STK3: variants seen among roughly 807,000 people sequenced by gnomAD.
STK3 encodes serine/threonine kinase 3, also known as serine/threonine-protein kinase 3.
Under a neutral mutation model 58.0 loss-of-function variants are expected in STK3, and 41 were observed. The ratio of observed to expected loss-of-function variants is 0.71; its 90% CI spans 0.55 to 0.92. STK3 has a LOEUF of 0.92. STK3 is among the 40% of genes least tolerant of loss of function. The pLI is 0.00. For synonymous variants in STK3, 170 were observed against 191.0 expected (o/e 0.89, Z 0.91); for missense variants, 479 against 602.7 (o/e 0.79, Z 2.15).
chr8:98,359,904 G>A, the STK3 span, among the ~76,000 whole-genome samples: 6 of 152,126 alleles, frequency 3.9e-5, no homozygotes, highest in Admixed American at 1.3e-4. Flanking sequence ...GCATGGGAAG[G>A]GTAAACAGTC....
At chr8:98,683,675 T>A (rs1587284459) in intron 6 of STK3, among the ~76,000 whole-genome samples, 1 of 152,230 alleles carries the variant, frequency 6.6e-6, no homozygotes, top group Middle Eastern at 3.4e-3. Context: ...ATTTTTTAAA[T>A]CAGTGGGATG....
At chr8:98,527,620 A>C (rs1479380593) in intron 9 of STK3, among the ~76,000 whole-genome samples, 1 of 152,108 alleles carries the variant, frequency 6.6e-6, no homozygotes, top group African/African-American at 2.4e-5. Context: ...ACCCTGTTCA[A>C]ATTAAAAAAT....
chr8:98,893,508 G>GAAAA (rs377089777), intron 1 of STK3, among the ~76,000 whole-genome samples: 1 of 119,258 alleles, frequency 8.4e-6, no homozygotes, highest in Non-Finnish European at 1.8e-5. Context: ...AAGAAAGAAA[G>GAAAA]AAAGAAAGAA....
chr8:98,388,079 C>T lies in STK3; in HGVS notation n.56+113G>A, dbSNP rs1172640748. 3.9e-5 allele frequency: 6 copies of T among 151,968 alleles called. No homozygotes were observed. The East Asian group carries it at 1.2e-3, about 29-fold the overall frequency. 9.4% of individuals were successfully genotyped at this position (151,968 alleles called of 1,614,324 possible). A position where few individuals can be genotyped will look rare whatever the true frequency, so the allele number is the denominator to read the frequency against. Reference sequence around the variant, plus strand: ...AAACATATCAAAAATATTAAAATACCTGAGTCTATAATAATAATAAAACAA... The same window carrying T: ...AAACATATCAAAAATATTAAAATACTTGAGTCTATAATAATAATAAAACAA... On this transcript the variant is annotated intron_variant and non_coding_transcript_variant, in intron 1 of 2. Transcript: ENST00000518704.
Position 98,640,918 on chromosome 8 carries a change from T to C in STK3, c.685-44749A>G, listed in dbSNP as rs897868239. ...GTCTTAAATATTTAAGAGTATAATA[T>C]GTTTATACTACTATATTTATATGTT... On this transcript the variant is annotated intron_variant, in intron 6 of 10. Transcript: ENST00000419617. Among the ~76,000 whole-genome samples, 6 of 151,170 alleles carry C rather than the reference T, an allele frequency of 4.0e-5. No individual in the cohort carries two copies. The East Asian group carries it at 1.2e-3, about 29-fold the overall frequency.
chr8:98,659,617 T>C (rs956744985), intron 6 of STK3, among the ~76,000 whole-genome samples: 2 of 151,940 alleles, frequency 1.3e-5, no homozygotes, highest in African/African-American at 4.8e-5. Context: ...CGATGCAGTG[T>C]AGAGTTTGCA....
chr8:98,407,180 G>A (rs1375041212), intron 3 of STK3, among the ~76,000 whole-genome samples: 1 of 152,194 alleles, frequency 6.6e-6, no homozygotes, highest in Non-Finnish European at 1.5e-5. Context: ...CCAGAATTAA[G>A]CATAGAATTT....
intron 9 of STK3, among the ~76,000 whole-genome samples, chr8:98,539,271 C>T (rs370580567): frequency 6.6e-6 from 1 of 151,982 alleles, no homozygotes; most frequent in Admixed American, 6.6e-5. Context: ...CTTTCCAAAA[C>T]AGATTTTGGG....
chr8:98,494,672 A>G (rs1225727929), intron 10 of STK3, among the ~76,000 whole-genome samples: 1 of 151,072 alleles, frequency 6.6e-6, no homozygotes, highest in African/African-American at 2.4e-5. Context: ...AAAAAAAAAA[A>G]AAAAAAAAGA....
intron 4 of STK3, among the ~76,000 whole-genome samples, chr8:98,735,223 C>T (rs757274859): frequency 6.6e-6 from 1 of 152,064 alleles, no homozygotes; most frequent in Non-Finnish European, 1.5e-5. Context: ...CAACATTTAT[C>T]AAAGGCTTGT....
intron 1 of STK3, among the ~76,000 whole-genome samples, chr8:98,776,625 T>C (rs1831695510): frequency 6.6e-6 from 1 of 152,182 alleles, no homozygotes; most frequent in Non-Finnish European, 1.5e-5. Context: ...TATATGCTAT[T>C]GTCGATGACT....
chr8:98,391,073 T>C (rs1479457546), upstream of STK3, among the ~76,000 whole-genome samples: 2 of 152,252 alleles, frequency 1.3e-5, no homozygotes, highest in African/African-American at 4.8e-5. Flanking sequence ...AGTTGAGATT[T>C]GTCTGTTTTT....
intron 4 of STK3, among the ~76,000 whole-genome samples, chr8:98,733,833 C>A (rs1828379380): frequency 6.6e-6 from 1 of 152,140 alleles, no homozygotes. Context: ...TTGAACCTTT[C>A]CATTCAACCA....
At chr8:98,710,726 C>T (rs572549230) in intron 4 of STK3, among the ~76,000 whole-genome samples, 45 of 152,234 alleles carry the variant, frequency 3.0e-4, no homozygotes, top group African/African-American at 1.0e-3. Flanking sequence ...CAGGGCATAG[C>T]CAAACAAGGC....
chr8:98,411,961 G>A (rs533891757), intron 3 of STK3, among the ~76,000 whole-genome samples: 1 of 152,294 alleles, frequency 6.6e-6, no homozygotes, highest in East Asian at 1.9e-4. Flanking sequence ...GCCTCTTTCT[G>A]TTCCTTGGGC....
At chr8:98,493,267 T>A (rs1822861434) in intron 10 of STK3, among the ~76,000 whole-genome samples, 1 of 151,548 alleles carries the variant, frequency 6.6e-6, no homozygotes, top group African/African-American at 2.4e-5. Context: ...GCGTTTCATA[T>A]CTAAAAGCAA....
chr8:98,673,690 A>G (rs947752841), intron 6 of STK3, among the ~76,000 whole-genome samples: 7 of 152,194 alleles, frequency 4.6e-5, no homozygotes, highest in African/African-American at 1.7e-4. Context: ...ATGTTTTAGA[A>G]CTAGATAAGA....
At chr8:98,894,787 A>G (rs866434833) in intron 1 of STK3, among the ~76,000 whole-genome samples, 5 of 152,260 alleles carry the variant, frequency 3.3e-5, no homozygotes, top group Middle Eastern at 3.4e-3. Context: ...TGTAACTTAA[A>G]ATACCTTACT....
intron 6 of STK3, among the ~76,000 whole-genome samples, chr8:98,607,544 A>G (rs1358569944): frequency 6.6e-6 from 1 of 152,214 alleles, no homozygotes; most frequent in African/African-American, 2.4e-5. Flanking sequence ...TTTTTAGCAA[A>G]TCTTTTTAGC....
Sources: gnomAD v4.1 joint callset for allele counts (sites outside exome capture counted in the v4.1 genomes callset) on GRCh38, gnomAD v4.1.1 for gene constraint, MANE v1.5 for transcripts, NCBI Gene and HGNC (gene_info 2026-07-23, HGNC 2026-07-21) for gene names.